The following TIMP3 variants were observed in gnomAD, a reference collection of about 807,000 sequenced individuals.
TIMP3 encodes TIMP metallopeptidase inhibitor 3, also known as metalloproteinase inhibitor 3.
In TIMP3, 11 loss-of-function variants were observed where a neutral mutation model predicts 30.0. The observed-to-expected ratio is 0.37, with a 90% CI of 0.23 to 0.61. The LOEUF is 0.61. Among genes scored for constraint, TIMP3 ranks in the 20% least tolerant of loss-of-function variants. The pLI is 0.70. For synonymous variants in TIMP3, 112 were observed against 111.3 expected, an observed-to-expected ratio of 1.01 and a Z score of -0.04; for missense variants, 181 against 276.8, an observed-to-expected ratio of 0.65 and a Z score of 2.45.
At chr22:32,807,355 A>AATATATAATATATATT (rs2046776864) in intron 1 of TIMP3, among the ~76,000 whole-genome samples, 12 of 19,910 alleles carry the variant, frequency 6.0e-4, no homozygotes, top group African/African-American at 1.8e-3. Context: ...ATAAATATAT[A>AATATATAATATATATT]ATATATAATA....
intron 1 of TIMP3, among the ~76,000 whole-genome samples, chr22:32,834,451 C>T (rs1395288431): frequency 6.6e-6 from 1 of 152,212 alleles, no homozygotes; most frequent in African/African-American, 2.4e-5. Context: ...GCATGAGCCA[C>T]TGCACCCGGC....
intron 1 of TIMP3, among the ~76,000 whole-genome samples, chr22:32,816,844 G>C (rs1341155585): frequency 6.6e-6 from 1 of 152,166 alleles, no homozygotes; most frequent in Non-Finnish European, 1.5e-5. Flanking sequence ...TGTAAGGATG[G>C]GGCAGGCAAC....
intron 1 of TIMP3, among the ~76,000 whole-genome samples, chr22:32,824,911 G>A (rs1448067123): frequency 1.3e-5 from 2 of 152,178 alleles, no homozygotes; most frequent in African/African-American, 2.4e-5. Flanking sequence ...GCACACAGAA[G>A]GCAGAAAGGG....
At chr22:32,857,123 G>T (rs1020917691) in intron 2 of TIMP3, 126 bp from the exon 3 acceptor site, 2 of 754,526 alleles carry the variant, frequency 2.7e-6, no homozygotes, top group African/African-American at 3.4e-5. Flanking sequence ...GTCAACATGA[G>T]AGTGCAGACC....
intron 1 of TIMP3, among the ~76,000 whole-genome samples, chr22:32,820,009 C>G (rs2047190625): frequency 6.6e-6 from 1 of 152,136 alleles, no homozygotes; most frequent in African/African-American, 2.4e-5. Context: ...CCAAGGGAAT[C>G]AGGGCCTTGA....
chr22:32,805,908 A>G (rs2046721482), intron 1 of TIMP3, among the ~76,000 whole-genome samples: 1 of 152,042 alleles, frequency 6.6e-6, no homozygotes, highest in South Asian at 2.1e-4. Flanking sequence ...CAAAATGGCC[A>G]GAGGTTTTAA....
At chr22:32,827,513 T>A (rs1390826623) in intron 1 of TIMP3, among the ~76,000 whole-genome samples, 3 of 152,212 alleles carry the variant, frequency 2.0e-5, no homozygotes, top group Non-Finnish European at 4.4e-5. Context: ...TTTCTAGGTG[T>A]CAGCATGAAT....
rs2048433066 is a variant in TIMP3, at chr22:32,858,268, G to T, written c.438+130G>T. On this transcript the variant is annotated intron_variant, in intron 4 of 4. Coordinates refer to ENST00000266085, the MANE Select transcript of TIMP3 (RefSeq NM_000362.5). ...ATGCATGTGTTAGGCCAGGGCAGAG[G>T]GGCAGGTCTGAGCAGATATAGTAAG... 3.0e-6 allele frequency: 4 copies of T among 1,332,646 alleles called. No homozygotes were observed. The South Asian group carries it at 5.6e-5, about 19-fold the overall frequency. The allele number at this position is 1,332,646 out of a possible 1,614,324, so 82.6% of individuals were successfully genotyped here.
At chr22:32,815,248 T>G (rs998062255) in intron 1 of TIMP3, among the ~76,000 whole-genome samples, 1 of 152,244 alleles carries the variant, frequency 6.6e-6, no homozygotes, top group African/African-American at 2.4e-5. Flanking sequence ...CTGACAGCTT[T>G]GCTGCAAGTA....
At chr22:32,841,522 C>T (rs1163519826) in intron 1 of TIMP3, among the ~76,000 whole-genome samples, 1 of 152,056 alleles carries the variant, frequency 6.6e-6, no homozygotes, top group African/African-American at 2.4e-5. Flanking sequence ...ATGAGAGCCC[C>T]GGGTGCAGGG....
chr22:32,857,213 G>T (rs767291085), intron 2 of TIMP3, 36 bp from the exon 3 acceptor site: 1 of 1,545,394 alleles, frequency 6.5e-7, no homozygotes, highest in South Asian at 1.1e-5. Flanking sequence ...GTCCAAACTG[G>T]GAAAGAAGAA....
intron 1 of TIMP3, among the ~76,000 whole-genome samples, chr22:32,807,359 TATAATATATA>T: frequency 8.9e-5 from 1 of 11,214 alleles, no homozygotes; most frequent in South Asian, 5.5e-3. Context: ...ATATATAATA[TATAATATATA>T]TTATATATAA....
chr22:32,850,191 T>G (rs1488884011), intron 2 of TIMP3, among the ~76,000 whole-genome samples: 1 of 151,574 alleles, frequency 6.6e-6, no homozygotes, highest in Non-Finnish European at 1.5e-5. Context: ...GAAGGAGGTA[T>G]GCCCTTAAGA....
At chr22:32,843,153 A>G (rs2047962241) in intron 1 of TIMP3, among the ~76,000 whole-genome samples, 1 of 152,168 alleles carries the variant, frequency 6.6e-6, no homozygotes, top group African/African-American at 2.4e-5. Flanking sequence ...ACAGTTGGAA[A>G]GTAGGGACAT....
chr22:32,824,102 C>A (rs1322897201), intron 1 of TIMP3, among the ~76,000 whole-genome samples: 1 of 151,870 alleles, frequency 6.6e-6, no homozygotes, highest in Non-Finnish European at 1.5e-5. Flanking sequence ...CACGGTGAAA[C>A]CCCATCTCTA....
intron 2 of TIMP3, among the ~76,000 whole-genome samples, chr22:32,851,632 G>A (rs1198607956): frequency 6.6e-6 from 1 of 152,106 alleles, no homozygotes; most frequent in Non-Finnish European, 1.5e-5. Context: ...TGACAGAGGC[G>A]CAAAGGGGAA....
At chr22:32,802,672 G>C (rs2046622135) in intron 1 of TIMP3, among the ~76,000 whole-genome samples, 1 of 152,148 alleles carries the variant, frequency 6.6e-6, no homozygotes, top group Admixed American at 6.5e-5. Flanking sequence ...CCGAGCTTCT[G>C]GGACTGCCAA....
intron 1 of TIMP3, among the ~76,000 whole-genome samples, chr22:32,806,165 C>A (rs1317950047): frequency 6.6e-6 from 1 of 151,928 alleles, no homozygotes; most frequent in Non-Finnish European, 1.5e-5. Flanking sequence ...GTGGGAGGTA[C>A]CCGGTCTGCC....
intron 1 of TIMP3, among the ~76,000 whole-genome samples, chr22:32,836,049 G>A (rs931854717): frequency 1.3e-5 from 2 of 152,210 alleles, no homozygotes; most frequent in South Asian, 2.1e-4. Flanking sequence ...GTAGAAAGAA[G>A]ATGAGCTTTG....
Sources: gnomAD v4.1 joint callset for allele counts (sites outside exome capture counted in the v4.1 genomes callset) on GRCh38, gnomAD v4.1.1 for gene constraint, MANE v1.5 for transcripts, NCBI Gene and HGNC (gene_info 2026-07-23, HGNC 2026-07-21) for gene names.